DNAH11: variants seen among roughly 807,000 people sequenced by gnomAD.
The protein encoded by DNAH11 is axonemal beta dynein heavy chain 11.
A neutral mutation model predicts 526.0 loss-of-function variants in DNAH11; 442 were observed. The observed-to-expected ratio is 0.84, with a 90% CI of 0.78 to 0.91. The LOEUF (loss-of-function observed/expected upper bound fraction) is 0.91, where lower values mean the gene tolerates loss of function less well. DNAH11 is among the 40% of genes least tolerant of loss of function. The pLI, the probability that DNAH11 is intolerant of heterozygous loss-of-function variation, is 0.00. For missense variants in DNAH11, 6,989 were observed against 5,448.7 expected, an observed-to-expected ratio of 1.28 and a Z score of -8.90; for synonymous variants, 2,461 against 1,935.9, an observed-to-expected ratio of 1.27 and a Z score of -7.12.
intron 28 of DNAH11, among the ~76,000 whole-genome samples, chr7:21,650,669 C>T (rs1024561902): frequency 3.4e-5 from 5 of 149,120 alleles, no homozygotes; most frequent in Admixed American, 2.0e-4. Context: ...GATGGAGTTT[C>T]GTTCTTGTCT....
intron 25 of DNAH11, among the ~76,000 whole-genome samples, chr7:21,635,141 AGTTTGTTT>A (rs56996600): frequency 0.13 from 19,644 of 151,142 alleles, 2,296 homozygotes; most frequent in African/African-American, 0.27. Context: ...GGTGGGGGGC[AGTTTGTTT>A]GTTTGTTTGT....
chr7:21,699,628 AT>A (rs1345409372), intron 36 of DNAH11, among the ~76,000 whole-genome samples: 1 of 152,074 alleles, frequency 6.6e-6, no homozygotes, highest in Non-Finnish European at 1.5e-5. Context: ...TGGAATCATA[AT>A]TTTTAACAGT....
chr7:21,754,764 G>A lies in DNAH11; in HGVS notation c.8940+4400G>A, dbSNP rs115059310. 7.8e-3 allele frequency among the ~76,000 whole-genome samples: 1,194 copies of A among 152,182 alleles called. 11 individuals are homozygous for A. Among genetic ancestry groups the A allele is most frequent in the African/African-American group, 0.028 (1,143 of 41,496 alleles). On this transcript the variant is annotated intron_variant, in intron 54 of 81. Coordinates refer to ENST00000409508, the MANE Select transcript of DNAH11 (RefSeq NM_001277115.2). Reference sequence around the variant, plus strand: ...TGTCACTCAGTTTGATCCACCCTGTGGAAGGCTAATGGTCAGCACCATGAC... The same window carrying A: ...TGTCACTCAGTTTGATCCACCCTGTAGAAGGCTAATGGTCAGCACCATGAC...
At chr7:21,738,974 T>C in intron 47 of DNAH11, 108 bp downstream of exon 47, 1 of 1,107,394 alleles carries the variant, frequency 9.0e-7, no homozygotes, top group Non-Finnish European at 1.2e-6. Flanking sequence ...GATGAATTAT[T>C]ATGGATGAAT....
chr7:21,779,226 T>C (rs1337256501), intron 57 of DNAH11, 122 bp downstream of exon 57: 2 of 1,229,204 alleles, frequency 1.6e-6, no homozygotes, highest in African/African-American at 3.0e-5. Flanking sequence ...ATTATTATAG[T>C]TACACATGTA....
chr7:21,889,357 T>C (rs1167863892), intron 76 of DNAH11, among the ~76,000 whole-genome samples: 1 of 152,240 alleles, frequency 6.6e-6, no homozygotes, highest in Non-Finnish European at 1.5e-5. Context: ...CTATGAACTT[T>C]TATGTACAAA....
chr7:21,836,950 T>C lies in DNAH11; in HGVS notation c.10692-5594T>C, dbSNP rs566426250. ...AACAGGCAAAGGACTTGAATAGACA[T>C]TTCTCAGAAGACATACAAATGACCA... On this transcript the variant is annotated intron_variant, in intron 65 of 81. Transcript: ENST00000409508. Among the ~76,000 whole-genome samples the C allele has an allele frequency of 2.0e-5, 3 of 152,234 alleles. No homozygotes were observed. The South Asian group carries it at 6.2e-4, about 32-fold the overall frequency.
At chr7:21,630,793 G>A (rs1786567243) in intron 25 of DNAH11, among the ~76,000 whole-genome samples, 1 of 151,974 alleles carries the variant, frequency 6.6e-6, no homozygotes, top group Non-Finnish European at 1.5e-5. Context: ...TTTATGACTT[G>A]GAGTAGTATT....
intron 28 of DNAH11, among the ~76,000 whole-genome samples, chr7:21,646,469 G>A (rs1219478155): frequency 6.6e-6 from 1 of 152,108 alleles, no homozygotes; most frequent in Non-Finnish European, 1.5e-5. Context: ...AGCACATGAA[G>A]GGAAACCCAG....
chr7:21,794,607 C>G (rs1191942500), intron 61 of DNAH11, among the ~76,000 whole-genome samples: 1 of 152,128 alleles, frequency 6.6e-6, no homozygotes, highest in African/African-American at 2.4e-5. Flanking sequence ...CCAGAAGACC[C>G]ATGGAGTGTG....
At chr7:21,683,182 T>A (rs1783212521) in intron 31 of DNAH11, among the ~76,000 whole-genome samples, 2 of 149,786 alleles carry the variant, frequency 1.3e-5, no homozygotes, top group African/African-American at 2.5e-5. Flanking sequence ...TATACAGTAA[T>A]TTTGGTAAGT....
At chr7:21,618,817 G>T (rs1785904379) in intron 23 of DNAH11, among the ~76,000 whole-genome samples, 1 of 152,084 alleles carries the variant, frequency 6.6e-6, no homozygotes, top group African/African-American at 2.4e-5. Context: ...GGTTTTGTGG[G>T]CAAAGGAGAT....
At chr7:21,603,821 A>C (rs1785182207) in intron 18 of DNAH11, among the ~76,000 whole-genome samples, 1 of 152,228 alleles carries the variant, frequency 6.6e-6, no homozygotes, top group African/African-American at 2.4e-5. Context: ...TAGAGAAAGT[A>C]GTCATAATAA....
chr7:21,801,351 T>C (rs1788987562), intron 62 of DNAH11, 76 bp downstream of exon 62: 1 of 1,562,184 alleles, frequency 6.4e-7, no homozygotes, highest in African/African-American at 1.4e-5. Context: ...TTGCCATCAA[T>C]AATAACTAAA....
At chr7:21,702,975 T>C (rs1387444381) in intron 37 of DNAH11, among the ~76,000 whole-genome samples, 173 bp downstream of exon 37, 2 of 152,194 alleles carry the variant, frequency 1.3e-5, no homozygotes, top group African/African-American at 2.4e-5. Flanking sequence ...TCACAAGTGG[T>C]CTTGAGTACA....
intron 7 of DNAH11, chr7:21,570,735 G>C (rs1485442128): frequency 6.6e-6 from 1 of 152,460 alleles, no homozygotes; most frequent in Admixed American, 6.5e-5. Context: ...AATATATGCT[G>C]TACTACAAAA....
At chr7:21,798,906 A>T (rs896637749) in intron 61 of DNAH11, among the ~76,000 whole-genome samples, 4 of 152,096 alleles carry the variant, frequency 2.6e-5, no homozygotes, top group Admixed American at 2.0e-4. Flanking sequence ...TGGTGAGCTT[A>T]TTAATATTAA....
Position 21,655,984 on chromosome 7 carries a change from A to T in DNAH11, c.5094+3A>T, listed in dbSNP as rs1175444346. On this transcript the variant is annotated splice_donor_region_variant and intron_variant, in intron 29 of 81. Coordinates refer to ENST00000409508, the MANE Select transcript of DNAH11 (RefSeq NM_001277115.2). Reference sequence around the variant, plus strand: ...CCGAGTGTGAATGTGTGGGCCATGTAAGATTTGATTATGAGGTTTTCTATG... The same window carrying T: ...CCGAGTGTGAATGTGTGGGCCATGTTAGATTTGATTATGAGGTTTTCTATG... 6.3e-7 allele frequency: 1 copy of T among 1,587,510 alleles called. No homozygotes were observed. The highest frequency in any genetic ancestry group is 8.6e-7 in the Non-Finnish European group (1 of 1,164,862).
At chr7:21,653,119 AC>A (rs1439552571) in intron 28 of DNAH11, among the ~76,000 whole-genome samples, 2 of 152,038 alleles carry the variant, frequency 1.3e-5, no homozygotes, top group East Asian at 3.9e-4. Context: ...CAGGTGATCC[AC>A]CCGCCTTGGC....
Sources: gnomAD v4.1 joint callset for allele counts (sites outside exome capture counted in the v4.1 genomes callset) on GRCh38, gnomAD v4.1.1 for gene constraint, MANE v1.5 for transcripts, NCBI Gene and HGNC (gene_info 2026-07-23, HGNC 2026-07-21) for gene names.